SYN3: variants seen among roughly 807,000 people sequenced by gnomAD.
The protein encoded by SYN3 is synapsin-3.
Under a neutral mutation model 65.8 loss-of-function variants are expected in SYN3, and 35 were observed. The ratio of observed to expected loss-of-function variants is 0.53; its 90% CI spans 0.41 to 0.70. SYN3 has a LOEUF of 0.70. Ranked by LOEUF, SYN3 falls within the 30% of genes least tolerant of loss-of-function variation. SYN3 has a pLI of 0.00. For missense variants in SYN3, 680 were observed against 749.0 expected, an observed-to-expected ratio of 0.91 and a Z score of 1.08; for synonymous variants, 270 against 292.9, an observed-to-expected ratio of 0.92 and a Z score of 0.80.
At chr22:32,519,517 C>T (rs1863722271) in intron 12 of SYN3, 1 of 152,136 alleles carries the variant, frequency 6.6e-6, no homozygotes, top group Non-Finnish European at 1.5e-5. Context: ...ATTAAGGTTT[C>T]CCAGTTGGAA....
rs531722005 is a variant in SYN3 at position 33,015,987 on chromosome 22, C to T, written c.-162-9163G>A. 9.2e-5 allele frequency among the ~76,000 whole-genome samples: 14 copies of T among 152,118 alleles called. No individual in the cohort carries two copies. In the South Asian group the frequency reaches 1.7e-3, roughly 18 times the overall value. ...CTCCCAAAGTAGCTGGGATTACAGG[C>T]GCCCGCCACCACGCCCAGCTAATTT... On this transcript the variant is annotated intron_variant, in intron 1 of 13. Coordinates refer to ENST00000358763, the MANE Select transcript of SYN3 (RefSeq NM_003490.4).
At chr22:32,860,310 C>T (rs1341739777) in intron 6 of SYN3, 1 of 152,578 alleles carries the variant, frequency 6.6e-6, no homozygotes, top group Non-Finnish European at 1.5e-5. Flanking sequence ...ACAGATATAG[C>T]CAAGTAGATT....
intron 6 of SYN3, among the ~76,000 whole-genome samples, chr22:32,696,742 A>G (rs541920680): frequency 1.1e-4 from 16 of 152,202 alleles, no homozygotes; most frequent in South Asian, 2.1e-4. Flanking sequence ...CTTATTCTCA[A>G]CTTACTCTTC....
intron 6 of SYN3, among the ~76,000 whole-genome samples, chr22:32,616,754 C>A (rs146245993): frequency 2.0e-5 from 3 of 152,010 alleles, no homozygotes; most frequent in Admixed American, 1.3e-4. Context: ...AGGAGAATTA[C>A]GAAGAAAAAA....
intron 3 of SYN3, among the ~76,000 whole-genome samples, chr22:32,968,224 T>C (rs1402772109): frequency 6.6e-6 from 1 of 152,216 alleles, no homozygotes; most frequent in African/African-American, 2.4e-5. Context: ...ATGGCTCAAG[T>C]GGTTAAGGAA....
intron 7 of SYN3, among the ~76,000 whole-genome samples, chr22:32,556,034 G>C (rs996637682): frequency 6.6e-6 from 1 of 152,100 alleles, no homozygotes; most frequent in South Asian, 2.1e-4. Context: ...AGCAGCAATG[G>C]GGACTTGCAA....
chr22:32,969,298 C>T (rs1017354329), intron 3 of SYN3, among the ~76,000 whole-genome samples: 7 of 152,094 alleles, frequency 4.6e-5, no homozygotes, highest in Admixed American at 2.0e-4. Flanking sequence ...GGTCATGCAA[C>T]GGGCAACACA....
chr22:32,883,293 C>T (rs1601616709), intron 4 of SYN3, among the ~76,000 whole-genome samples: 2 of 152,202 alleles, frequency 1.3e-5, no homozygotes, highest in East Asian at 3.8e-4. Context: ...CTGCACCCTC[C>T]ACTGTGGACA....
chr22:32,907,514 G>A (rs898778366), intron 4 of SYN3, among the ~76,000 whole-genome samples: 1 of 152,198 alleles, frequency 6.6e-6, no homozygotes, highest in East Asian at 1.9e-4. Context: ...TCTAAGCTCT[G>A]GCCAGGCTGG....
chr22:32,824,094 C>T (rs1168424101), intron 6 of SYN3, among the ~76,000 whole-genome samples: 7 of 151,910 alleles, frequency 4.6e-5, no homozygotes, highest in African/African-American at 9.7e-5. Flanking sequence ...CTGGCTAACA[C>T]GGTGAAACCC....
intron 1 of SYN3, among the ~76,000 whole-genome samples, chr22:33,018,150 A>G (rs763785351): frequency 6.6e-6 from 1 of 152,348 alleles, no homozygotes; most frequent in African/African-American, 2.4e-5. Context: ...GGATGTGTCT[A>G]TGAAAGGAGC....
At chr22:32,744,570 G>A (rs1347460401) in intron 6 of SYN3, among the ~76,000 whole-genome samples, 1 of 152,164 alleles carries the variant, frequency 6.6e-6, no homozygotes, top group African/African-American at 2.4e-5. Flanking sequence ...CATTTCACAG[G>A]TTAATAAGTA....
At chr22:32,817,760 T>C (rs967233961) in intron 6 of SYN3, among the ~76,000 whole-genome samples, 1 of 152,200 alleles carries the variant, frequency 6.6e-6, no homozygotes, top group Non-Finnish European at 1.5e-5. Flanking sequence ...AAGGACATGA[T>C]TGAAGGACAT....
chr22:32,994,406 T>C (rs1027034133), intron 2 of SYN3, among the ~76,000 whole-genome samples: 2 of 152,052 alleles, frequency 1.3e-5, no homozygotes, highest in East Asian at 1.9e-4. Flanking sequence ...GTTTGAGTGA[T>C]GGAATGAAGC....
chr22:32,689,942 G>A (rs371706524), intron 6 of SYN3, among the ~76,000 whole-genome samples: 135 of 152,220 alleles, frequency 8.9e-4, no homozygotes, highest in African/African-American at 3.0e-3. Context: ...TTGGGAAGCC[G>A]AGGCAGGAGG....
intron 6 of SYN3, among the ~76,000 whole-genome samples, chr22:32,615,139 C>T (rs1374672020): frequency 2.6e-5 from 4 of 152,110 alleles, no homozygotes; most frequent in East Asian, 1.9e-4. Context: ...AGGCCGGGTG[C>T]GAGTGGCTCA....
At chr22:32,572,411 CTTT>C (rs1569051693) in intron 7 of SYN3, among the ~76,000 whole-genome samples, 1,984 of 9,456 alleles carry the variant, frequency 0.21, 188 homozygotes, top group African/African-American at 0.41. Context: ...TCCCTCCTGT[CTTT>C]CCTTCCTTCT....
intron 6 of SYN3, among the ~76,000 whole-genome samples, chr22:32,770,463 C>T (rs5754263): frequency 0.78 from 119,173 of 152,022 alleles, 47,557 homozygotes; most frequent in African/African-American, 0.94. Flanking sequence ...TCATCTTCTG[C>T]CTCTCCTCGT....
intron 6 of SYN3, among the ~76,000 whole-genome samples, chr22:32,757,928 A>T (rs143816054): frequency 6.6e-5 from 10 of 152,380 alleles, no homozygotes; most frequent in Admixed American, 5.9e-4. Flanking sequence ...CAAAATGCGT[A>T]GTAAAAGAAG....
Sources: allele counts gnomAD v4.1 joint callset (sites outside exome capture counted in the v4.1 genomes callset), GRCh38; gene constraint gnomAD v4.1.1; transcripts MANE v1.5; gene names NCBI Gene and HGNC (gene_info 2026-07-23, HGNC 2026-07-21).